Variants in SUB1 observed in about 807,000 individuals in gnomAD.
SUB1 encodes activated RNA polymerase II transcriptional coactivator p15.
Under a neutral mutation model 16.9 loss-of-function variants are expected in SUB1, and 1 was observed. The observed-to-expected ratio is 0.06, with a 90% CI of 0.02 to 0.28. SUB1 has a LOEUF of 0.28. Ranked by LOEUF, SUB1 falls within the 10% of genes least tolerant of loss-of-function variation. SUB1 has a pLI of 1.00. For missense variants in SUB1, 84 were observed against 145.2 expected (o/e 0.58, Z 2.16); for synonymous variants, 51 against 46.9 (o/e 1.09, Z -0.36).
chr5:32,597,591 G>A (rs1739000023), intron 3 of SUB1: 1 of 152,074 alleles, frequency 6.6e-6, no homozygotes, highest in African/African-American at 2.4e-5. Flanking sequence ...TAGGATTGCT[G>A]GATCATATGA....
At chr5:32,585,826 C>G (rs914349177) in intron 1 of SUB1, 4 of 152,468 alleles carry the variant, frequency 2.6e-5, no homozygotes, top group Non-Finnish European at 5.9e-5. Flanking sequence ...GTGGGCCCTT[C>G]CGCGGTAGAC....
Position 32,591,698 on chromosome 5 carries a change from A to G in SUB1, c.195+13A>G. The G allele has an allele frequency of 7.2e-7, 1 of 1,384,554 alleles. No homozygotes were observed. Among genetic ancestry groups the G allele is most frequent in the South Asian group, 1.6e-5 (1 of 61,250 alleles). 85.8% of individuals were successfully genotyped at this position (1,384,554 alleles called of 1,614,324 possible). On this transcript the variant is annotated intron_variant, in intron 3 of 4. Coordinates refer to ENST00000265073, the MANE Select transcript of SUB1 (RefSeq NM_006713.4). ...TAACATGTTTCAGGTAAAGTTGGCT[A>G]TTTTTTTTTTTTTTTTTTTTGACAT...
chr5:32,600,766 G>A (rs1224045860), intron 4 of SUB1, among the ~76,000 whole-genome samples: 1 of 151,938 alleles, frequency 6.6e-6, no homozygotes, highest in Non-Finnish European at 1.5e-5. Context: ...ACCATGCCCG[G>A]CTAATTTTTG....
At chr5:32,597,033 C>T (rs891485470) in intron 3 of SUB1, 2 of 147,644 alleles carry the variant, frequency 1.4e-5, no homozygotes, top group Non-Finnish European at 2.9e-5. Context: ...ACTCTGGATT[C>T]GTATATTCAG....
chr5:32,592,381 A>G (rs558607721), intron 3 of SUB1, among the ~76,000 whole-genome samples: 42 of 152,346 alleles, frequency 2.8e-4, no homozygotes, highest in African/African-American at 1.0e-3. Context: ...GAATAGATAA[A>G]GTGAAGGAAG....
At chr5:32,591,335 C>A in intron 2 of SUB1, 1 of 423,060 alleles carries the variant, frequency 2.4e-6, no homozygotes, top group Non-Finnish European at 3.9e-6. Context: ...TACTATAATG[C>A]CTGAAGTGTC....
chr5:32,601,145 T>C lies in SUB1; in HGVS notation c.*61T>C. The stretch of plus-strand genomic sequence containing the variant: ...AGTTGTTTTAATCTGTCTTTTTACA[T>C]TGGCTTTTGTTTTCTAAATGTTCTC... On this transcript the variant is annotated 3_prime_UTR_variant, in exon 5 of 5. Coordinates refer to ENST00000265073, the MANE Select transcript of SUB1 (RefSeq NM_006713.4). The C allele has an allele frequency of 7.4e-7, 1 of 1,344,560 alleles. No individual in the cohort carries two copies. The highest frequency in any genetic ancestry group is 1.0e-6 in the Non-Finnish European group (1 of 957,474). 83.3% of individuals were successfully genotyped at this position (1,344,560 alleles called of 1,614,324 possible).
intron 1 of SUB1, 30 bp from the exon 2 acceptor site, chr5:32,588,482 A>T (rs199606336): frequency 1.9e-6 from 3 of 1,593,498 alleles, no homozygotes; most frequent in Non-Finnish European, 2.6e-6. Flanking sequence ...GTACCTTATT[A>T]ATTATTTTTG....
intron 2 of SUB1, among the ~76,000 whole-genome samples, chr5:32,590,738 G>A (rs890525378): frequency 2.2e-5 from 3 of 136,258 alleles, no homozygotes; most frequent in African/African-American, 7.9e-5. Context: ...TGGGATTACA[G>A]GCGTGTGCCA....
intron 3 of SUB1, chr5:32,594,447 G>A (rs981886101): frequency 9.9e-6 from 3 of 302,854 alleles, no homozygotes; most frequent in Non-Finnish European, 2.1e-5. Flanking sequence ...TTTATTTGAT[G>A]ATTTAAGGAT....
intron 3 of SUB1, among the ~76,000 whole-genome samples, chr5:32,593,649 T>C (rs767479078): frequency 2.6e-5 from 4 of 152,122 alleles, no homozygotes; most frequent in Admixed American, 2.6e-4. Context: ...AAGGCTGACA[T>C]TGCACCTTTT....
At chr5:32,598,927 G>A (rs779817238) in intron 3 of SUB1, 34 bp from the exon 4 acceptor site, 3 of 1,516,720 alleles carry the variant, frequency 2.0e-6, no homozygotes, top group Non-Finnish European at 2.7e-6. Flanking sequence ...ACTCTTGAAA[G>A]GAGCACCTCT....
At chr5:32,590,731 G>GA (rs1738799474) in intron 2 of SUB1, among the ~76,000 whole-genome samples, 1 of 141,926 alleles carries the variant, frequency 7.0e-6, no homozygotes, top group East Asian at 2.0e-4. Context: ...GAGTAGCTGG[G>GA]ATTACAGGCG....
intron 3 of SUB1, chr5:32,596,049 T>G (rs185547711): frequency 2.0e-5 from 3 of 152,344 alleles, no homozygotes; most frequent in African/African-American, 7.2e-5. Context: ...TTAATATTTT[T>G]TTTAGACTTC....
intron 3 of SUB1, chr5:32,597,491 G>A (rs988676001): frequency 6.6e-6 from 1 of 152,008 alleles, no homozygotes; most frequent in Non-Finnish European, 1.5e-5. Flanking sequence ...TCCACTTCTT[G>A]GCTCTTGTGA....
chr5:32,595,129 G>T (rs1738926021), intron 3 of SUB1: 1 of 151,074 alleles, frequency 6.6e-6, no homozygotes, highest in South Asian at 2.1e-4. Flanking sequence ...ATAAGAATTT[G>T]TCAGTTTTAC....
intron 4 of SUB1, among the ~76,000 whole-genome samples, chr5:32,599,868 CT>C: frequency 6.6e-6 from 1 of 152,136 alleles, no homozygotes; most frequent in Admixed American, 6.5e-5. Context: ...TCTGGGAATA[CT>C]TTCTGCCAGT....
intron 1 of SUB1, chr5:32,586,431 G>A (rs1267731497): frequency 1.3e-5 from 2 of 152,244 alleles, no homozygotes; most frequent in African/African-American, 4.8e-5. Flanking sequence ...TACAATAGTG[G>A]TTTCAGTATC....
chr5:32,593,126 CCTCAGCCTCCTGA>C (rs1287801815), intron 3 of SUB1, among the ~76,000 whole-genome samples: 6 of 152,202 alleles, frequency 3.9e-5, no homozygotes, highest in African/African-American at 1.4e-4. Context: ...GATCCTCCTG[CCTCAGCCTCCTGA>C]GTAACTGGGA....
Sources: gnomAD v4.1 joint callset for allele counts (sites outside exome capture counted in the v4.1 genomes callset) on GRCh38, gnomAD v4.1.1 for gene constraint, MANE v1.5 for transcripts, NCBI Gene and HGNC (gene_info 2026-07-23, HGNC 2026-07-21) for gene names.